The following VPS13B variants were observed in gnomAD, a reference collection of about 807,000 sequenced individuals.
The protein encoded by VPS13B is intermembrane lipid transfer protein VPS13B.
VPS13B carries 285 observed loss-of-function variants against 426.4 expected under a neutral mutation model. That is an observed-to-expected ratio of 0.67 (90% CI 0.61 to 0.74). The LOEUF (loss-of-function observed/expected upper bound fraction) is 0.74. Among genes scored for constraint, VPS13B ranks in the 30% least tolerant of loss-of-function variants. The probability of loss-of-function intolerance (pLI) is 0.00; values close to 1 mark genes in which losing one functional copy is unlikely to be tolerated. For missense variants in VPS13B, 4,537 were observed against 4,782.6 expected (o/e 0.95, Z 1.51); for synonymous variants, 1,676 against 1,676.4 (o/e 1.00, Z 0.01).
intron 39 of VPS13B, among the ~76,000 whole-genome samples, chr8:99,757,871 G>A (rs1810721477): frequency 6.6e-6 from 1 of 152,110 alleles, no homozygotes; most frequent in Non-Finnish European, 1.5e-5. Flanking sequence ...AAAACAAAAT[G>A]TAATAAAAAA....
intron 34 of VPS13B, among the ~76,000 whole-genome samples, chr8:99,652,937 A>C (rs1829880639): frequency 6.6e-6 from 1 of 152,186 alleles, no homozygotes; most frequent in African/African-American, 2.4e-5. Flanking sequence ...TCAGAGAGAA[A>C]GGTGATGAGA....
chr8:99,327,354 G>C (rs750228921), intron 19 of VPS13B, among the ~76,000 whole-genome samples: 1 of 152,144 alleles, frequency 6.6e-6, no homozygotes, highest in East Asian at 1.9e-4. Flanking sequence ...TTACATTAAT[G>C]TAGTATTTAG....
intron 30 of VPS13B, among the ~76,000 whole-genome samples, chr8:99,537,405 A>G (rs1823310633): frequency 6.6e-6 from 1 of 152,212 alleles, no homozygotes; most frequent in Non-Finnish European, 1.5e-5. Context: ...AGTTAAATCT[A>G]TAACATTTAT....
chr8:99,645,255 A>T (rs1829535609), intron 34 of VPS13B, among the ~76,000 whole-genome samples: 2 of 152,342 alleles, frequency 1.3e-5, no homozygotes, highest in South Asian at 4.1e-4. Flanking sequence ...AAATTCTGTC[A>T]CTTATATGTA....
intron 19 of VPS13B, among the ~76,000 whole-genome samples, chr8:99,349,909 T>C (rs1180429432): frequency 6.6e-6 from 1 of 152,112 alleles, no homozygotes; most frequent in African/African-American, 2.4e-5. Flanking sequence ...CAAAAATATA[T>C]AGAAATATCT....
At position 99,041,356 on chromosome 8, in the gene VPS13B, C is replaced by T. The variant is rs188209353; in HGVS notation, c.291+2790C>T. The stretch of plus-strand genomic sequence containing the variant: ...GATACACAGTTTTTGATTCATGACA[C>T]ATCATGTCCATGCTAATCTAATAAA... On this transcript the variant is annotated intron_variant, in intron 3 of 61. Transcript: ENST00000357162. Among the ~76,000 whole-genome samples, 554 of 152,276 alleles carry T rather than the reference C, an allele frequency of 3.6e-3. 2 individuals carry two copies. Among genetic ancestry groups the T allele is most frequent in the Non-Finnish European group, 4.9e-3 (332 of 68,018 alleles).
intron 17 of VPS13B, among the ~76,000 whole-genome samples, chr8:99,225,585 A>G (rs958775385): frequency 6.6e-6 from 1 of 152,152 alleles, no homozygotes; most frequent in African/African-American, 2.4e-5. Flanking sequence ...CCCTTGTTTT[A>G]TGTAAAACAC....
intron 33 of VPS13B, among the ~76,000 whole-genome samples, chr8:99,616,749 C>G (rs1256945900): frequency 6.6e-6 from 1 of 152,184 alleles, no homozygotes; most frequent in African/African-American, 2.4e-5. Flanking sequence ...CACTTGAACC[C>G]GGGAGGCCGA....
intron 6 of VPS13B, among the ~76,000 whole-genome samples, chr8:99,112,653 C>G (rs1336103271): frequency 6.6e-6 from 1 of 151,952 alleles, no homozygotes; most frequent in African/African-American, 2.4e-5. Flanking sequence ...TTTTCTATAG[C>G]CTTGGGTTTT....
At chr8:99,782,194 CT>C (rs1563915205) in intron 42 of VPS13B, among the ~76,000 whole-genome samples, 1 of 152,056 alleles carries the variant, frequency 6.6e-6, no homozygotes, top group African/African-American at 2.4e-5. Flanking sequence ...TTCTTCTCCC[CT>C]GTATTTTCTA....
chr8:99,751,615 ATATAT>A (rs1255814222), intron 39 of VPS13B, among the ~76,000 whole-genome samples: 4 of 152,192 alleles, frequency 2.6e-5, no homozygotes, highest in African/African-American at 7.2e-5. Flanking sequence ...TATTTGATAA[ATATAT>A]TAAGTATACT....
intron 61 of VPS13B, among the ~76,000 whole-genome samples, chr8:99,874,074 C>T (rs1817571108): frequency 6.6e-6 from 1 of 152,058 alleles, no homozygotes; most frequent in Non-Finnish European, 1.5e-5. Context: ...TAAATGCAAC[C>T]AGTTTAGGGG....
intron 39 of VPS13B, among the ~76,000 whole-genome samples, chr8:99,738,667 T>A (rs1833940618): frequency 6.6e-6 from 1 of 152,236 alleles, no homozygotes; most frequent in Admixed American, 6.5e-5. Flanking sequence ...TCTTTATCTC[T>A]CTAAAGTCTA....
intron 25 of VPS13B, among the ~76,000 whole-genome samples, chr8:99,484,040 G>C (rs1820177996): frequency 6.6e-6 from 1 of 152,054 alleles, no homozygotes. Flanking sequence ...CTATTTTGTG[G>C]AGAAAATAAT....
chr8:99,787,496 A>T (rs558892406), intron 43 of VPS13B, among the ~76,000 whole-genome samples: 3 of 152,200 alleles, frequency 2.0e-5, no homozygotes, highest in Non-Finnish European at 4.4e-5. Flanking sequence ...GCACAGAATC[A>T]TAGATGCCAT....
chr8:99,062,510 C>T (rs768320909), intron 3 of VPS13B, among the ~76,000 whole-genome samples: 3 of 151,982 alleles, frequency 2.0e-5, no homozygotes, highest in Non-Finnish European at 4.4e-5. Flanking sequence ...CTTTTGTTGC[C>T]CAGGCTGGAG....
At chr8:99,732,850 A>T (rs990784950) in intron 39 of VPS13B, among the ~76,000 whole-genome samples, 1 of 152,258 alleles carries the variant, frequency 6.6e-6, no homozygotes, top group African/African-American at 2.4e-5. Flanking sequence ...GTGGGGAAGG[A>T]ATTTGTCAGT....
At chr8:99,705,069 A>G (rs1222349201) in intron 36 of VPS13B, among the ~76,000 whole-genome samples, 11 of 152,140 alleles carry the variant, frequency 7.2e-5, no homozygotes. Context: ...GAGTACCACT[A>G]TTAATCCTGG....
At chr8:99,368,092 T>C (rs2133254360) in intron 19 of VPS13B, among the ~76,000 whole-genome samples, 1 of 152,368 alleles carries the variant, frequency 6.6e-6, no homozygotes, top group East Asian at 1.9e-4. Context: ...AAGACTGTTG[T>C]TCTTTTCATA....
Sources: gnomAD v4.1 joint callset for allele counts (sites outside exome capture counted in the v4.1 genomes callset) on GRCh38, gnomAD v4.1.1 for gene constraint, MANE v1.5 for transcripts, NCBI Gene and HGNC (gene_info 2026-07-23, HGNC 2026-07-21) for gene names.